Variants in CDS1 observed in about 807,000 individuals in gnomAD.
CDS1 encodes the protein CDP-diacylglycerol synthase 1.
A neutral mutation model predicts 62.1 loss-of-function variants in CDS1; 41 were observed. That is an observed-to-expected ratio of 0.66 (90% CI 0.51 to 0.86). The LOEUF (loss-of-function observed/expected upper bound fraction) is 0.86. CDS1 is among the 40% of genes least tolerant of loss of function. The probability of loss-of-function intolerance (pLI) is 0.00; values close to 1 mark genes in which losing one functional copy is unlikely to be tolerated. For synonymous variants in CDS1, 185 were observed against 192.6 expected (o/e 0.96, Z 0.32); for missense variants, 470 against 550.1 (o/e 0.85, Z 1.46).
intron 5 of CDS1, among the ~76,000 whole-genome samples, chr4:84,620,822 A>G (rs1323739491): frequency 6.6e-6 from 1 of 151,482 alleles, no homozygotes; most frequent in Non-Finnish European, 1.5e-5. Context: ...GCACTTTGGG[A>G]GGCCAAGGTG....
At chr4:84,588,059 A>G (rs1001019799) in intron 1 of CDS1, among the ~76,000 whole-genome samples, 6 of 152,226 alleles carry the variant, frequency 3.9e-5, no homozygotes, top group African/African-American at 1.4e-4. Context: ...CTGAACAGCC[A>G]TCTCAAAATA....
At position 84,606,303 on chromosome 4, in the gene CDS1, GC is replaced by G. The variant is rs1362932927; in HGVS notation, c.245+1934del. On this transcript the variant is annotated intron_variant, in intron 2 of 12. Coordinates refer to ENST00000295887, the MANE Select transcript of CDS1 (RefSeq NM_001263.4). ...TTACCCTTTGAGGCTTTTTTCTTGT[GC>G]AGTGTGTGTGTGTGTGTGTGTGTGT... Among the ~76,000 whole-genome samples the G allele has an allele frequency of 3.2e-3, 267 of 82,922 alleles. 2 individuals carry two copies. Among genetic ancestry groups the G allele is most frequent in the Middle Eastern group, 0.017 (3 of 178 alleles). The allele number at this position is 82,922 out of a possible 152,430, so 54.4% of individuals were successfully genotyped here.
intron 1 of CDS1, among the ~76,000 whole-genome samples, chr4:84,598,043 G>A (rs1033465957): frequency 7.3e-5 from 11 of 151,176 alleles, no homozygotes; most frequent in African/African-American, 2.2e-4. Context: ...AGAGAATGGC[G>A]TGAACCCGGG....
intron 8 of CDS1, among the ~76,000 whole-genome samples, chr4:84,637,089 T>C (rs1436253656): frequency 6.6e-6 from 1 of 152,134 alleles, no homozygotes. Flanking sequence ...CTTCCCCTCT[T>C]GGGGAGGAGC....
chr4:84,583,528 G>A lies in CDS1; in HGVS notation c.117+10G>A. ...GAGCACCAGCGACAAAGTAAGTGGA[G>A]CCGAGAGAGGCGGACGCCGCGCCCT... is the stretch of plus-strand genomic sequence containing the variant. On this transcript the variant is annotated intron_variant, in intron 1 of 12. Coordinates refer to ENST00000295887, the MANE Select transcript of CDS1 (RefSeq NM_001263.4). 1 of 1,471,808 alleles carries A rather than the reference G, an allele frequency of 6.8e-7. No individual in the cohort carries two copies. The highest frequency in any genetic ancestry group is 1.3e-5 in the South Asian group (1 of 78,618). The allele number at this position is 1,471,808 out of a possible 1,614,324, so 91.2% of individuals were successfully genotyped here. A position where few individuals can be genotyped will look rare whatever the true frequency, so the allele number is the denominator to read the frequency against.
chr4:84,633,853 A>T lies in CDS1; in HGVS notation c.640-4A>T, dbSNP rs758700948. 1.1e-5 allele frequency: 17 copies of T among 1,589,656 alleles called. No homozygotes were observed. ...TAATTTTTGTATTGTTGGGCTATTA[A>T]CAGTTCGCATGGACTCATGTCACTT... On this transcript the variant is annotated splice_polypyrimidine_tract_variant and splice_region_variant and intron_variant, in intron 6 of 12. Transcript: ENST00000295887.
chr4:84,603,440 C>G (rs565117657), intron 1 of CDS1, among the ~76,000 whole-genome samples: 1 of 152,238 alleles, frequency 6.6e-6, no homozygotes, highest in East Asian at 1.9e-4. Context: ...GGGCCTGAGG[C>G]GGGAGAGGTT....
chr4:84,610,494 C>T (rs947784867), intron 3 of CDS1, among the ~76,000 whole-genome samples: 13 of 152,150 alleles, frequency 8.5e-5, no homozygotes, highest in Admixed American at 2.6e-4. Context: ...TTCATTCATT[C>T]GTGTAACAAA....
chr4:84,647,976 A>G (rs936480964), intron 12 of CDS1, among the ~76,000 whole-genome samples: 1 of 151,956 alleles, frequency 6.6e-6, no homozygotes, highest in African/African-American at 2.4e-5. Context: ...TGTTTTTTAT[A>G]TTGGAGTTCA....
At chr4:84,637,406 C>T (rs938312542) in intron 8 of CDS1, among the ~76,000 whole-genome samples, 2 of 151,946 alleles carry the variant, frequency 1.3e-5, no homozygotes, top group African/African-American at 2.4e-5. Flanking sequence ...ATGATCTTGG[C>T]GGAAGGGGAA....
chr4:84,593,592 T>C (rs1217259813), intron 1 of CDS1, among the ~76,000 whole-genome samples: 6 of 151,872 alleles, frequency 4.0e-5, no homozygotes, highest in African/African-American at 1.5e-4. Flanking sequence ...GCAACCTCTG[T>C]CTCCCAGATT....
intron 5 of CDS1, among the ~76,000 whole-genome samples, chr4:84,630,284 A>G (rs1356377561): frequency 6.6e-6 from 1 of 152,172 alleles, no homozygotes; most frequent in Non-Finnish European, 1.5e-5. Flanking sequence ...TTCTCTCAAT[A>G]AAGTGACATA....
rs143366646 is a variant in CDS1, at chr4:84,607,129, G to A, written c.246-2300G>A. 4.7e-4 allele frequency among the ~76,000 whole-genome samples: 72 copies of A among 152,238 alleles called. No individual in the cohort carries two copies. In the East Asian group the frequency reaches 7.9e-3, roughly 17 times the overall value. On this transcript the variant is annotated intron_variant, in intron 2 of 12. Coordinates refer to ENST00000295887, the MANE Select transcript of CDS1 (RefSeq NM_001263.4). ...AATGAATGCAATTTGACTACCTTAT[G>A]AAGAAACTCATAAGCTGGAAAAAAA...
At chr4:84,644,307 C>T (rs1443643857) in intron 11 of CDS1, among the ~76,000 whole-genome samples, 4 of 152,096 alleles carry the variant, frequency 2.6e-5, no homozygotes, top group Admixed American at 2.6e-4. Flanking sequence ...AAGTATCTTG[C>T]GAAGGCTGTA....
Position 84,645,309 on chromosome 4 carries a change from A to G in CDS1, c.1240A>G (p.Ile414Val), listed in dbSNP as rs769574821. The G allele has an allele frequency of 1.9e-6, 3 of 1,594,472 alleles. No homozygotes were observed. The highest frequency in any genetic ancestry group is 2.6e-6 in the Non-Finnish European group (3 of 1,162,542). The change falls in exon 12 of 13, where the codon ATC (isoleucine) becomes GTC (valine). Residue 414 changes from isoleucine to valine, a missense_variant. By Grantham distance (29) the Ile-to-Val change is conservative (BLOSUM62 3). Coordinates refer to ENST00000295887, the MANE Select transcript of CDS1 (RefSeq NM_001263.4). ...GATGGCAACTTTTGTACATGTGTAC[A>G]TCACAAGTTTTATAAGGTACTTTTA... The part of the protein sequence containing the change: ...YLMATFVHVY[I>V]TSFIRGPNPS...
intron 3 of CDS1, among the ~76,000 whole-genome samples, chr4:84,611,047 A>G (rs547192820): frequency 2.6e-5 from 4 of 152,376 alleles, no homozygotes; most frequent in African/African-American, 7.2e-5. Context: ...CACAGTGCCA[A>G]GCACGTGGGC....
At chr4:84,597,704 C>T (rs200545370) in intron 1 of CDS1, among the ~76,000 whole-genome samples, 25 of 152,274 alleles carry the variant, frequency 1.6e-4, no homozygotes, top group African/African-American at 6.0e-4. Flanking sequence ...CCTCACTCTT[C>T]GTTCACCAAA....
rs760481764 is a variant in CDS1 at position 84,642,978 on chromosome 4, T to G, written c.1033-46T>G. 7 of 1,567,446 alleles carry G rather than the reference T, an allele frequency of 4.5e-6. No homozygotes were observed. The South Asian group carries it at 8.3e-5, about 19-fold the overall frequency. On this transcript the variant is annotated intron_variant, in intron 10 of 12. Coordinates refer to ENST00000295887, the MANE Select transcript of CDS1 (RefSeq NM_001263.4). Reference sequence around the variant, plus strand: ...GATCAGGTGGTATGCTCAAATACAATTTCAGTGAAATTAGCCCCTCTCCTC... The same window carrying G: ...GATCAGGTGGTATGCTCAAATACAAGTTCAGTGAAATTAGCCCCTCTCCTC...
Position 84,583,519 on chromosome 4 carries a change from G to A in CDS1, c.117+1G>A. On this transcript the variant is annotated splice_donor_variant, in intron 1 of 12. Transcript: ENST00000295887. LOFTEE classifies it high-confidence loss of function. ...CGAAACCGAGAGCACCAGCGACAAA[G>A]TAAGTGGAGCCGAGAGAGGCGGACG... is the stretch of plus-strand genomic sequence containing the variant. 1 of 1,511,472 alleles carries A rather than the reference G, an allele frequency of 6.6e-7. No individual in the cohort carries two copies. The allele number at this position is 1,511,472 out of a possible 1,614,324, so 93.6% of individuals were successfully genotyped here. A position where few individuals can be genotyped will look rare whatever the true frequency, so the allele number is the denominator to read the frequency against.
Sources: gnomAD v4.1 joint callset for allele counts (sites outside exome capture counted in the v4.1 genomes callset) on GRCh38, gnomAD v4.1.1 for gene constraint, MANE v1.5 for transcripts, NCBI Gene and HGNC (gene_info 2026-07-23, HGNC 2026-07-21) for gene names.